MYO3A: variants seen among roughly 807,000 people sequenced by gnomAD.
MYO3A encodes the protein myosin-IIIa.
In MYO3A, 180 loss-of-function variants were observed where a neutral mutation model predicts 192.7. That is an observed-to-expected ratio of 0.93 (90% CI 0.83 to 1.06). The LOEUF (loss-of-function observed/expected upper bound fraction) is 1.06. MYO3A is among the 50% of genes least tolerant of loss of function. The pLI is 0.00. For synonymous variants in MYO3A, 628 were observed against 645.3 expected, an observed-to-expected ratio of 0.97 and a Z score of 0.41; for missense variants, 1,896 against 1,905.0, an observed-to-expected ratio of 1.00 and a Z score of 0.09.
rs190024119 is a variant in MYO3A, at chr10:25,994,764, T to C, written c.304-1726T>C. The stretch of plus-strand genomic sequence containing the variant: ...TAAAGGATTTTATTTCTCCTTCACT[T>C]ATGAAGCTTAATTTGGCTGGATATG... On this transcript the variant is annotated intron_variant, in intron 4 of 34. Coordinates refer to ENST00000642920, the MANE Select transcript of MYO3A (RefSeq NM_017433.5). Among the ~76,000 whole-genome samples the C allele has an allele frequency of 3.7e-4, 56 of 152,342 alleles. 1 individual carries two copies. Among genetic ancestry groups the C allele is most frequent in the Admixed American group, 5.2e-4 (8 of 15,300 alleles).
chr10:26,031,335 C>A (rs1842792803), intron 10 of MYO3A, among the ~76,000 whole-genome samples: 1 of 152,268 alleles, frequency 6.6e-6, no homozygotes, highest in Non-Finnish European at 1.5e-5. Flanking sequence ...AAACCACCCA[C>A]CTTTCTCTAA....
At chr10:26,049,941 T>C (rs1843889979) in intron 10 of MYO3A, among the ~76,000 whole-genome samples, 5 of 152,076 alleles carry the variant, frequency 3.3e-5, no homozygotes, top group Admixed American at 3.3e-4. Context: ...CCCAAAGTAC[T>C]GGGATTACAG....
chr10:26,077,742 C>T (rs976860835), intron 14 of MYO3A, among the ~76,000 whole-genome samples: 1 of 152,024 alleles, frequency 6.6e-6, no homozygotes, highest in Non-Finnish European at 1.5e-5. Flanking sequence ...TTTCCTGCAT[C>T]TATTGAGATG....
At chr10:25,949,840 AC>A (rs1256526598) in intron 2 of MYO3A, among the ~76,000 whole-genome samples, 12 of 152,220 alleles carry the variant, frequency 7.9e-5, no homozygotes, top group African/African-American at 2.9e-4. Flanking sequence ...TATATATTTA[AC>A]ATTTACCGTA....
intron 17 of MYO3A, among the ~76,000 whole-genome samples, chr10:26,099,426 G>A (rs1837286047): frequency 6.6e-6 from 1 of 152,100 alleles, no homozygotes; most frequent in Admixed American, 6.5e-5. Flanking sequence ...TGATTGCCCT[G>A]GCCAGAACTT....
intron 20 of MYO3A, among the ~76,000 whole-genome samples, chr10:26,140,422 G>A (rs149370191): frequency 6.6e-5 from 10 of 152,158 alleles, no homozygotes; most frequent in African/African-American, 2.2e-4. Context: ...GGTGGCTCAC[G>A]CCTGTAATCC....
chr10:26,009,885 A>T (rs1841510936), intron 6 of MYO3A, among the ~76,000 whole-genome samples: 1 of 152,194 alleles, frequency 6.6e-6, no homozygotes, highest in Non-Finnish European at 1.5e-5. Context: ...AGGAGAGAGG[A>T]CAATGGAGCA....
At chr10:25,989,314 A>G (rs1428781793) in intron 4 of MYO3A, among the ~76,000 whole-genome samples, 1 of 150,900 alleles carries the variant, frequency 6.6e-6, no homozygotes, top group Admixed American at 6.6e-5. Context: ...TTTCTTTTCA[A>G]TCAATTGTGA....
intron 10 of MYO3A, among the ~76,000 whole-genome samples, chr10:26,035,973 G>T (rs1368520443): frequency 6.6e-6 from 1 of 151,336 alleles, no homozygotes; most frequent in African/African-American, 2.4e-5. Flanking sequence ...TCCGGCTGTC[G>T]CCCAGGCTGG....
chr10:26,070,109 A>C lies in MYO3A; in HGVS notation c.1171-2A>C. ...ACAAAATGTATTCTTTTTAACCTTTAGCATTCCAAACTATATATTGGATCA... is the reference window on the plus strand; with the variant it reads ...ACAAAATGTATTCTTTTTAACCTTTCGCATTCCAAACTATATATTGGATCA... On this transcript the variant is annotated splice_acceptor_variant, in intron 12 of 34. Transcript: ENST00000642920. LOFTEE classifies it high-confidence loss of function. 1 of 1,598,942 alleles carries C rather than the reference A, an allele frequency of 6.3e-7. No homozygotes were observed.
intron 4 of MYO3A, among the ~76,000 whole-genome samples, chr10:25,979,248 TC>T (rs1839149039): frequency 6.6e-6 from 1 of 152,196 alleles, no homozygotes; most frequent in Non-Finnish European, 1.5e-5. Context: ...TAGCATTGTT[TC>T]TTTTTTAACT....
At chr10:26,011,284 G>T (rs958486309) in intron 6 of MYO3A, among the ~76,000 whole-genome samples, 7 of 151,918 alleles carry the variant, frequency 4.6e-5, no homozygotes, top group African/African-American at 1.7e-4. Context: ...CAAAATAAAA[G>T]TCAGCCGGGT....
At chr10:25,937,395 A>AATTATG (rs377665747) in intron 2 of MYO3A, among the ~76,000 whole-genome samples, 1,665 of 152,312 alleles carry the variant, frequency 0.011, 24 homozygotes, top group African/African-American at 0.037. Flanking sequence ...GGTTAATTAT[A>AATTATG]TGGCTCACAC....
rs572967528 is a variant in MYO3A at position 26,150,188 on chromosome 10, C to G, written c.2635+2629C>G. 2.0e-4 allele frequency among the ~76,000 whole-genome samples: 30 copies of G among 152,206 alleles called. No individual in the cohort carries two copies. The South Asian group carries it at 5.8e-3, about 29-fold the overall frequency. The stretch of plus-strand genomic sequence containing the variant: ...TTTTTTAATCATTCCTGGGAAAAAC[C>G]TCAAATGGTCATGATGCATTGTACT... On this transcript the variant is annotated intron_variant, in intron 23 of 34. Transcript: ENST00000642920.
At chr10:25,958,468 G>A (rs1837707971) in intron 4 of MYO3A, among the ~76,000 whole-genome samples, 1 of 152,150 alleles carries the variant, frequency 6.6e-6, no homozygotes, top group African/African-American at 2.4e-5. Context: ...TTTTGAAACA[G>A]TACCATGCTG....
intron 20 of MYO3A, 80 bp downstream of exon 20, chr10:26,128,618 C>T (rs1839358510): frequency 7.1e-7 from 1 of 1,402,838 alleles, no homozygotes; most frequent in Admixed American, 1.7e-5. Context: ...AGGACCTTAA[C>T]CATAGATTTA....
intron 3 of MYO3A, among the ~76,000 whole-genome samples, chr10:25,954,037 T>C (rs1837380814): frequency 6.6e-6 from 1 of 152,144 alleles, no homozygotes; most frequent in African/African-American, 2.4e-5. Flanking sequence ...ATGAGTAAGA[T>C]GAGAAGGTAG....
chr10:26,162,509 T>C (rs1206936546), intron 26 of MYO3A, among the ~76,000 whole-genome samples: 2 of 152,252 alleles, frequency 1.3e-5, no homozygotes, highest in Non-Finnish European at 2.9e-5. Context: ...AAGCAAGATA[T>C]TAAAAATACT....
rs1170587641 is a variant in MYO3A, at chr10:26,173,556, G to T, written c.3399-107G>T. 1.5e-5 allele frequency: 15 copies of T among 1,010,492 alleles called. No individual in the cohort carries two copies. The South Asian group carries it at 1.7e-4, about 12-fold the overall frequency. 62.6% of individuals were successfully genotyped at this position (1,010,492 alleles called of 1,614,324 possible). On this transcript the variant is annotated intron_variant, in intron 29 of 34. Coordinates refer to ENST00000642920, the MANE Select transcript of MYO3A (RefSeq NM_017433.5). ...TACTTTTTAATTTTGAGCTTTCTTT[G>T]TTCCTTTTGCCTTTCTCCCACCGGT...
Sources: gnomAD v4.1 joint callset for allele counts (sites outside exome capture counted in the v4.1 genomes callset) on GRCh38, gnomAD v4.1.1 for gene constraint, MANE v1.5 for transcripts, NCBI Gene and HGNC (gene_info 2026-07-23, HGNC 2026-07-21) for gene names.